The following MCC variants were observed in gnomAD, a reference collection of about 807,000 sequenced individuals.
The protein encoded by MCC is colorectal mutant cancer protein.
Under a neutral mutation model 116.2 loss-of-function variants are expected in MCC, and 90 were observed. The ratio of observed to expected loss-of-function variants is 0.77; its 90% confidence interval spans 0.65 to 0.92. The LOEUF (loss-of-function observed/expected upper bound fraction) is 0.92, where lower values mean the gene tolerates loss of function less well. Ranked by LOEUF, MCC falls within the 40% of genes least tolerant of loss-of-function variation. MCC has a pLI of 0.00. For synonymous variants in MCC, 578 were observed against 510.5 expected (o/e 1.13, Z -1.78); for missense variants, 1,516 against 1,312.2 (o/e 1.16, Z -2.40).
In MCC at chr5:113,057,829, T is replaced by G. The variant is rs1030412126; in HGVS notation, c.2214-3870A>C. On this transcript the variant is annotated intron_variant, in intron 14 of 18. Transcript: ENST00000408903. ...TCCACAGGCGAACGCGCGACAAAAT[T>G]AGAGCAAACTCAAGTACTGGCACTG... Among the ~76,000 whole-genome samples the G allele has an allele frequency of 3.9e-5, 6 of 152,306 alleles. No homozygotes were observed. The East Asian group carries it at 7.7e-4, about 20-fold the overall frequency.
At chr5:113,122,910 A>T in intron 5 of MCC, 84 bp from the exon 6 acceptor site, 1 of 1,389,514 alleles carries the variant, frequency 7.2e-7, no homozygotes, top group Admixed American at 1.9e-5. Flanking sequence ...GACAAGAAAA[A>T]GACATTGAGA....
In MCC at chr5:113,220,064, T is replaced by TTTTTC. The variant is rs1257407553; in HGVS notation, c.628-68643_628-68642insGAAAA. Among the ~76,000 whole-genome samples, 15 of 56,096 alleles carry TTTTTC rather than the reference T, an allele frequency of 2.7e-4. 1 individual carries two copies. Among genetic ancestry groups the TTTTTC allele is most frequent in the East Asian group, 7.4e-4 (1 of 1,346 alleles). The allele number at this position is 56,096 out of a possible 152,430, so 36.8% of individuals were successfully genotyped here. On this transcript the variant is annotated intron_variant, in intron 3 of 18. Coordinates refer to ENST00000408903, the MANE Select transcript of MCC (RefSeq NM_001085377.2). ...GAATCTGCATGTCAATTTCTTTTTC[T>TTTTTC]TTTTTTTTTTTGAGACGGAGTCTTG...
intron 1 of MCC, among the ~76,000 whole-genome samples, chr5:113,447,764 G>C (rs1308890441): frequency 6.6e-6 from 1 of 152,010 alleles, no homozygotes; most frequent in Non-Finnish European, 1.5e-5. Context: ...AGATGCATAT[G>C]CTGCCTCTTA....
chr5:113,393,575 T>G (rs971937769), intron 1 of MCC, among the ~76,000 whole-genome samples: 1 of 152,222 alleles, frequency 6.6e-6, no homozygotes, highest in Non-Finnish European at 1.5e-5. Context: ...TCTCTCAATA[T>G]AGTTTTCTCA....
intron 5 of MCC, among the ~76,000 whole-genome samples, chr5:113,142,283 T>A (rs1759224358): frequency 6.6e-6 from 1 of 151,858 alleles, no homozygotes; most frequent in Admixed American, 6.6e-5. Context: ...AAGCATTTGG[T>A]GAACAAAGCG....
intron 3 of MCC, among the ~76,000 whole-genome samples, chr5:113,315,989 T>G (rs1445160256): frequency 1.3e-5 from 2 of 152,110 alleles, no homozygotes; most frequent in Non-Finnish European, 2.9e-5. Flanking sequence ...CCGGGCATGG[T>G]GGCTCACACC....
rs147142702 is a variant in MCC at position 113,424,598 on chromosome 5, C to T, written c.171-39386G>A. On this transcript the variant is annotated intron_variant, in intron 1 of 18. Transcript: ENST00000408903. ...GGTGTGGTGGCAGGTGTCTGTAATGCCAGCTACTTGGAGGCTAGGCAGGAG... is the reference window on the plus strand; with the variant it reads ...GGTGTGGTGGCAGGTGTCTGTAATGTCAGCTACTTGGAGGCTAGGCAGGAG... Among the ~76,000 whole-genome samples, 416 of 152,084 alleles carry T rather than the reference C, an allele frequency of 2.7e-3. 2 individuals carry two copies. The highest frequency in any genetic ancestry group is 9.7e-3 in the African/African-American group (404 of 41,480).
chr5:113,236,503 C>G lies in MCC; in HGVS notation c.628-85081G>C, dbSNP rs558767110. 1.1e-3 allele frequency among the ~76,000 whole-genome samples: 169 copies of G among 152,278 alleles called. 1 individual carries two copies. Among genetic ancestry groups the G allele is most frequent in the African/African-American group, 3.8e-3 (159 of 41,556 alleles). On this transcript the variant is annotated intron_variant, in intron 3 of 18. Coordinates refer to ENST00000408903, the MANE Select transcript of MCC (RefSeq NM_001085377.2). ...TAAATTTTTTCTGTGTCTCCACTTC[C>G]TCATCTGAAAAATGGGGATAATTAT...
chr5:113,380,106 C>A (rs1421701034), intron 2 of MCC, among the ~76,000 whole-genome samples: 1 of 152,202 alleles, frequency 6.6e-6, no homozygotes, highest in Non-Finnish European at 1.5e-5. Flanking sequence ...TTTGACTAGT[C>A]TTTTTCTGCC....
chr5:113,451,832 C>G (rs910653817), intron 1 of MCC, among the ~76,000 whole-genome samples: 3 of 152,216 alleles, frequency 2.0e-5, no homozygotes, highest in African/African-American at 7.2e-5. Context: ...GTGTAACAAA[C>G]CAATCTAAAA....
At chr5:113,209,727 G>A (rs762869140) in intron 3 of MCC, among the ~76,000 whole-genome samples, 6 of 152,152 alleles carry the variant, frequency 3.9e-5, no homozygotes, top group Non-Finnish European at 8.8e-5. Context: ...AGTGGGTCAG[G>A]AGCCTTCCAT....
intron 3 of MCC, among the ~76,000 whole-genome samples, chr5:113,158,099 C>A (rs1482518752): frequency 6.6e-6 from 1 of 152,210 alleles, no homozygotes; most frequent in African/African-American, 2.4e-5. Flanking sequence ...TCAGCCTACT[C>A]AAAACAGCTT....
intron 6 of MCC, among the ~76,000 whole-genome samples, chr5:113,108,920 G>A (rs970603412): frequency 6.6e-6 from 1 of 152,192 alleles, no homozygotes; most frequent in African/African-American, 2.4e-5. Flanking sequence ...TGACCAGTTG[G>A]CACTTGACTG....
At chr5:113,279,975 C>T (rs967230212) in intron 3 of MCC, among the ~76,000 whole-genome samples, 5 of 152,166 alleles carry the variant, frequency 3.3e-5, no homozygotes, top group African/African-American at 9.7e-5. Flanking sequence ...TATTGCCATT[C>T]TTCACATTTA....
chr5:113,114,899 A>C (rs1386967548), intron 6 of MCC, among the ~76,000 whole-genome samples: 1 of 152,132 alleles, frequency 6.6e-6, no homozygotes, highest in African/African-American at 2.4e-5. Flanking sequence ...CTGGATGCCA[A>C]ACAAGAGTTT....
intron 1 of MCC, among the ~76,000 whole-genome samples, chr5:113,475,788 G>A (rs1236221054): frequency 6.6e-6 from 1 of 152,104 alleles, no homozygotes; most frequent in African/African-American, 2.4e-5. Context: ...TAGAGCTTTG[G>A]TAAATTAAAA....
At chr5:113,193,914 T>C (rs1762262130) in intron 3 of MCC, among the ~76,000 whole-genome samples, 2 of 152,366 alleles carry the variant, frequency 1.3e-5, no homozygotes, top group East Asian at 3.9e-4. Context: ...GTAATAGTTG[T>C]TATTTTTCTA....
At chr5:113,321,406 T>C (rs1767419377) in intron 3 of MCC, among the ~76,000 whole-genome samples, 1 of 152,172 alleles carries the variant, frequency 6.6e-6, no homozygotes, top group Non-Finnish European at 1.5e-5. Context: ...TGATTGCTAA[T>C]TTGAGGGAGG....
At chr5:113,166,234 C>A (rs1283825174) in intron 3 of MCC, among the ~76,000 whole-genome samples, 1 of 152,142 alleles carries the variant, frequency 6.6e-6, no homozygotes, top group East Asian at 1.9e-4. Context: ...AGGAATGATA[C>A]ATTTCCAACC....
Sources: gnomAD v4.1 joint callset for allele counts (sites outside exome capture counted in the v4.1 genomes callset) on GRCh38, gnomAD v4.1.1 for gene constraint, MANE v1.5 for transcripts, NCBI Gene and HGNC (gene_info 2026-07-23, HGNC 2026-07-21) for gene names.